The following GRK5 variants were observed in gnomAD, a reference collection of about 807,000 sequenced individuals.
GRK5 encodes G protein-coupled receptor kinase 5.
In GRK5, 40 loss-of-function variants were observed where a neutral mutation model predicts 78.4. The ratio of observed to expected loss-of-function variants is 0.51; its 90% CI spans 0.40 to 0.66. GRK5 has a LOEUF of 0.66. Ranked by LOEUF, GRK5 falls within the 30% of genes least tolerant of loss-of-function variation. GRK5 has a pLI of 0.00. For missense variants in GRK5, 598 were observed against 759.9 expected (o/e 0.79, Z 2.50); for synonymous variants, 289 against 296.8 (o/e 0.97, Z 0.27).
chr10:119,255,739 GA>G (rs1174355297), intron 1 of GRK5, among the ~76,000 whole-genome samples: 9 of 152,202 alleles, frequency 5.9e-5, no homozygotes, highest in Middle Eastern at 3.2e-3. Flanking sequence ...CTCCTTGAGG[GA>G]CAAGGTGGTG....
chr10:119,250,517 A>ATTTTTT (rs5788333), intron 1 of GRK5, among the ~76,000 whole-genome samples: 1 of 136,032 alleles, frequency 7.4e-6, no homozygotes, highest in Admixed American at 7.8e-5. Context: ...CCTCATTTAA[A>ATTTTTT]TTTTTTTTTT....
chr10:119,431,519 C>A lies in GRK5; in HGVS notation c.730C>A (p.Gln244Lys), dbSNP rs1004387219. Residue 244 changes from glutamine (Q) to lysine (K), a missense_variant, in exon 8 of 16, where the codon CAG becomes AAG. Coordinates refer to ENST00000392870, the MANE Select transcript of GRK5 (RefSeq NM_005308.3). This position sits in a 1 kb window ranked among gnomAD's most constrained non-coding sequence, Gnocchi z 4.8. ...GCAGATCCTCGAGAAGGTCAACAGTCAGTTTGTGGTGAGTGAGCATCTGGG... is the reference window on the plus strand; with the variant it reads ...GCAGATCCTCGAGAAGGTCAACAGTAAGTTTGTGGTGAGTGAGCATCTGGG... ...EKQILEKVNS[Q>K]FVVNLAYAYE... is the part of the protein sequence containing the mutation. 1 of 1,613,180 alleles carries A rather than the reference C, an allele frequency of 6.2e-7. No individual in the cohort carries two copies. Among genetic ancestry groups the A allele is most frequent in the Non-Finnish European group, 8.5e-7 (1 of 1,179,524 alleles).
At position 119,452,754 on chromosome 10, in the gene GRK5, C is replaced by T. The variant is rs368864312; in HGVS notation, c.1488C>T (p.Asp496=). 2.3e-4 allele frequency: 365 copies of T among 1,613,892 alleles called. No homozygotes were observed. In the Middle Eastern group the frequency reaches 4.6e-3, roughly 20 times the overall value. ...GCGTCAATCTGGACCACACAGACGA[C>T]GACTTCTACTCCAAGTTCTCCACGG... ...VKGVNLDHTD[D]DFYSKFSTGS... The change falls in exon 14 of 16, where the codon GAC becomes GAT. Residue 496 remains aspartate, a synonymous_variant. Coordinates refer to ENST00000392870, the MANE Select transcript of GRK5 (RefSeq NM_005308.3). The surrounding 1 kb of genome is among the most constrained non-coding windows in gnomAD (Gnocchi z 4.4).
At chr10:119,371,716 G>T (rs1411070456) in intron 2 of GRK5, among the ~76,000 whole-genome samples, 1 of 152,204 alleles carries the variant, frequency 6.6e-6, no homozygotes, top group Non-Finnish European at 1.5e-5. Context: ...GAGAGTCAAG[G>T]TTCCTTTTTC....
intron 2 of GRK5, among the ~76,000 whole-genome samples, chr10:119,326,922 G>T (rs1466272605): frequency 6.6e-6 from 1 of 152,266 alleles, no homozygotes; most frequent in African/African-American, 2.4e-5. Context: ...GGAAACTGAG[G>T]CACAGAGTGG....
chr10:119,380,274 T>C (rs1051196418), intron 2 of GRK5, among the ~76,000 whole-genome samples: 3 of 152,200 alleles, frequency 2.0e-5, no homozygotes, highest in African/African-American at 7.2e-5. Flanking sequence ...CTACTTCTTC[T>C]AATTTCCCAG....
chr10:119,304,274 G>C (rs1002559991), intron 1 of GRK5, among the ~76,000 whole-genome samples: 1 of 144,460 alleles, frequency 6.9e-6, no homozygotes, highest in African/African-American at 2.5e-5. Context: ...TATGCTAACT[G>C]TGTGAGCTGC....
intron 4 of GRK5, among the ~76,000 whole-genome samples, chr10:119,408,919 C>T (rs1332595025): frequency 1.3e-5 from 2 of 152,200 alleles, no homozygotes; most frequent in South Asian, 2.1e-4. Flanking sequence ...CTGGCCTGTC[C>T]GATGCTGGAG....
At position 119,430,518 on chromosome 10, in the gene GRK5, G is replaced by C; in HGVS notation, c.597+80G>C. 2 of 1,385,896 alleles carry C rather than the reference G, an allele frequency of 1.4e-6. No individual in the cohort carries two copies. Among genetic ancestry groups the C allele is most frequent in the Non-Finnish European group, 2.0e-6 (2 of 989,494 alleles). The allele number at this position is 1,385,896 out of a possible 1,614,324, so 85.8% of individuals were successfully genotyped here. ...CTGTCCCTTCTAAATCAACCTAAAG[G>C]GTTGGCCCACGGGTCCCCCGGGGGC... On this transcript the variant is annotated intron_variant, in intron 7 of 15. Coordinates refer to ENST00000392870, the MANE Select transcript of GRK5 (RefSeq NM_005308.3). This position sits in a 1 kb window ranked among gnomAD's most constrained non-coding sequence, Gnocchi z 4.5.
chr10:119,339,615 T>G (rs1466442775), intron 2 of GRK5, among the ~76,000 whole-genome samples: 1 of 152,088 alleles, frequency 6.6e-6, no homozygotes, highest in African/African-American at 2.4e-5. Context: ...AAAAACTAGC[T>G]AGGCTCGGTG....
At position 119,254,354 on chromosome 10, in the gene GRK5, GT is replaced by G. The variant is rs1189607847; in HGVS notation, c.52+46390del. 3.0e-4 allele frequency among the ~76,000 whole-genome samples: 45 copies of G among 152,082 alleles called. 2 individuals are homozygous for G. Among genetic ancestry groups the G allele is most frequent in the African/African-American group, 1.1e-3 (44 of 41,442 alleles). On this transcript the variant is annotated intron_variant, in intron 1 of 15. Transcript: ENST00000392870. Reference sequence around the variant, plus strand: ...GTCTGTTCTGTTCTGCCCTACTTTAGTTTTTAGACAGTGTATTGTGATAAGT... The same window carrying G: ...GTCTGTTCTGTTCTGCCCTACTTTAGTTTTAGACAGTGTATTGTGATAAGT...
At chr10:119,260,479 A>C (rs1318467414) in intron 1 of GRK5, among the ~76,000 whole-genome samples, 1 of 150,402 alleles carries the variant, frequency 6.6e-6, no homozygotes, top group African/African-American at 2.5e-5. Flanking sequence ...GTCATAGGAC[A>C]ATAGTGGAGG....
rs985397517 is a variant in GRK5, at chr10:119,414,390, TGAGA to T, written c.340-8767_340-8764del. Among the ~76,000 whole-genome samples the T allele has an allele frequency of 3.3e-5, 5 of 152,054 alleles. No individual in the cohort carries two copies. The East Asian group carries it at 7.7e-4, about 24-fold the overall frequency. ...TTGGACGTTAGCGTGTGTGTGTGTGTGAGAGAGAGAGACACATGACAGCACTATA... is the reference window on the plus strand; with the variant it reads ...TTGGACGTTAGCGTGTGTGTGTGTGTGAGAGAGACACATGACAGCACTATA... On this transcript the variant is annotated intron_variant, in intron 4 of 15. Transcript: ENST00000392870.
intron 15 of GRK5, among the ~76,000 whole-genome samples, chr10:119,454,221 G>GAT (rs1258931595): frequency 6.6e-6 from 1 of 152,224 alleles, no homozygotes; most frequent in East Asian, 1.9e-4. Flanking sequence ...GGCATGCTAA[G>GAT]AACACCCTGG....
chr10:119,383,200 C>A (rs4752298), intron 3 of GRK5, among the ~76,000 whole-genome samples: 16,546 of 152,254 alleles, frequency 0.11, 1,008 homozygotes, highest in Middle Eastern at 0.2. Flanking sequence ...GAACCACAGG[C>A]GTGAGCCACC....
chr10:119,252,903 A>G (rs940412427), intron 1 of GRK5, among the ~76,000 whole-genome samples: 2 of 152,182 alleles, frequency 1.3e-5, no homozygotes, highest in African/African-American at 2.4e-5. Flanking sequence ...CAGATGTATC[A>G]GGTCAGTCAC....
chr10:119,369,183 G>T (rs1851503111), intron 2 of GRK5, among the ~76,000 whole-genome samples: 1 of 152,162 alleles, frequency 6.6e-6, no homozygotes, highest in African/African-American at 2.4e-5. Context: ...GTCGGTCTGG[G>T]TGTGGCCTAG....
chr10:119,427,581 C>T (rs1233611445), intron 6 of GRK5, among the ~76,000 whole-genome samples: 8 of 152,152 alleles, frequency 5.3e-5, no homozygotes, highest in Non-Finnish European at 1.0e-4. Context: ...AGCATCACCA[C>T]CATCATCAGC....
intron 1 of GRK5, among the ~76,000 whole-genome samples, chr10:119,259,480 C>T (rs1440633549): frequency 6.6e-6 from 1 of 152,232 alleles, no homozygotes; most frequent in African/African-American, 2.4e-5. Flanking sequence ...TGAATGTTGA[C>T]ACCCCAAAGA....
Sources: gnomAD v4.1 joint callset for allele counts (sites outside exome capture counted in the v4.1 genomes callset) on GRCh38, gnomAD v4.1.1 for gene constraint, Gnocchi (gnomAD v3.1) non-coding constraint, MANE v1.5 for transcripts, NCBI Gene and HGNC (gene_info 2026-07-23, HGNC 2026-07-21) for gene names.